PDZD8: variants seen among roughly 807,000 people sequenced by gnomAD.
The protein encoded by PDZD8 is PDZ domain containing 8.
A neutral mutation model predicts 85.8 loss-of-function variants in PDZD8; 14 were observed. The ratio of observed to expected loss-of-function variants is 0.16; its 90% CI spans 0.11 to 0.26. The LOEUF (loss-of-function observed/expected upper bound fraction) is 0.26. Ranked by LOEUF, PDZD8 falls within the 10% of genes least tolerant of loss-of-function variation. The probability of loss-of-function intolerance (pLI) is 1.00; values close to 1 mark genes in which losing one functional copy is unlikely to be tolerated. For synonymous variants in PDZD8, 592 were observed against 568.6 expected (o/e 1.04, Z -0.59); for missense variants, 1,197 against 1,424.3 (o/e 0.84, Z 2.57).
chr10:117,294,327 C>CAAAAAAAAAAAAAAAAAAAAAAAAAAAAA (rs71013656), intron 3 of PDZD8, among the ~76,000 whole-genome samples: 3 of 142,546 alleles, frequency 2.1e-5, no homozygotes, highest in South Asian at 2.2e-4. Context: ...ACCAAAAAGA[C>CAAAAAAAAAAAAAAAAAAAAAAAAAAAAA]AAAAAAAAAA....
intron 4 of PDZD8, 67 bp downstream of exon 4, chr10:117,290,119 A>G (rs1381700542): frequency 1.5e-6 from 2 of 1,375,364 alleles, no homozygotes; most frequent in Non-Finnish European, 1.9e-6. Flanking sequence ...GGAAGAAAGG[A>G]AAAACCTCAC....
chr10:117,344,935 C>A (rs1160663311), intron 1 of PDZD8, among the ~76,000 whole-genome samples: 1 of 152,090 alleles, frequency 6.6e-6, no homozygotes, highest in Non-Finnish European at 1.5e-5. Context: ...ACTGTCTTGC[C>A]CTGGCTCATG....
chr10:117,316,690 T>C (rs1234162547), intron 3 of PDZD8, among the ~76,000 whole-genome samples: 1 of 151,948 alleles, frequency 6.6e-6, no homozygotes, highest in Non-Finnish European at 1.5e-5. Flanking sequence ...ACCCTGTCTC[T>C]AAAAAAATAA....
rs1255192444 is a variant in PDZD8, at chr10:117,314,844, G to A, written c.1098+4028C>T. ...CAATATTGTTTGGATTTTCAACCTCGTGTCTCTAATTGCAAAGGGAAATAC... is the reference window on the plus strand; with the variant it reads ...CAATATTGTTTGGATTTTCAACCTCATGTCTCTAATTGCAAAGGGAAATAC... On this transcript the variant is annotated intron_variant, in intron 3 of 4. Coordinates refer to ENST00000334464, the MANE Select transcript of PDZD8 (RefSeq NM_173791.5). 5.9e-5 allele frequency among the ~76,000 whole-genome samples: 9 copies of A among 152,194 alleles called. No individual in the cohort carries two copies. In the South Asian group the frequency reaches 8.3e-4, roughly 14 times the overall value.
chr10:117,369,574 T>C (rs1845154303), intron 1 of PDZD8, among the ~76,000 whole-genome samples: 2 of 152,192 alleles, frequency 1.3e-5, no homozygotes, highest in South Asian at 4.1e-4. Flanking sequence ...GTCTTCTCAT[T>C]TTCACTAATC....
rs930477898 is a variant in PDZD8, at chr10:117,277,676, C to A, written c.*5592G>T. 1 of 152,656 alleles carries A rather than the reference C, an allele frequency of 6.6e-6. No individual in the cohort carries two copies. The highest frequency in any genetic ancestry group is 1.5e-5 in the Non-Finnish European group (1 of 68,478). The allele number at this position is 152,656 out of a possible 1,614,324, so 9.5% of individuals were successfully genotyped here. A position where few individuals can be genotyped will look rare whatever the true frequency, so the allele number is the denominator to read the frequency against. On this transcript the variant is annotated 3_prime_UTR_variant, in exon 5 of 5. Coordinates refer to ENST00000334464, the MANE Select transcript of PDZD8 (RefSeq NM_173791.5). ...CACATTATCTCTGAGACTCTTCCAA[C>A]AAAGAGAAACTAGAATGAAGTCTGA...
intron 3 of PDZD8, among the ~76,000 whole-genome samples, chr10:117,315,335 C>A (rs553103554): frequency 6.6e-6 from 1 of 152,076 alleles, no homozygotes; most frequent in South Asian, 2.1e-4. Context: ...TGGCTCATGC[C>A]CACAATTCAA....
intron 1 of PDZD8, among the ~76,000 whole-genome samples, chr10:117,363,060 GAAC>G (rs1845024828): frequency 1.3e-5 from 2 of 151,978 alleles, no homozygotes; most frequent in Non-Finnish European, 2.9e-5. Context: ...GTAATGGTGA[GAAC>G]AAAATAAGAT....
At chr10:117,335,887 C>T (rs1844508537) in intron 2 of PDZD8, among the ~76,000 whole-genome samples, 2 of 152,144 alleles carry the variant, frequency 1.3e-5, no homozygotes, top group African/African-American at 2.4e-5. Context: ...ATAAAAGTGC[C>T]GATGTTGTTG....
At chr10:117,361,014 T>A (rs1274883888) in intron 1 of PDZD8, among the ~76,000 whole-genome samples, 1 of 152,206 alleles carries the variant, frequency 6.6e-6, no homozygotes, top group Non-Finnish European at 1.5e-5. Flanking sequence ...TAAGAATATA[T>A]AAAGCTCACA....
chr10:117,280,287 C>T lies in PDZD8; in HGVS notation c.*2981G>A, dbSNP rs1844559400. The T allele has an allele frequency of 6.6e-6, 1 of 152,104 alleles. No homozygotes were observed. The highest frequency in any genetic ancestry group is 2.4e-5 in the African/African-American group (1 of 41,416). The allele number at this position is 152,104 out of a possible 1,614,324, so 9.4% of individuals were successfully genotyped here. A position where few individuals can be genotyped will look rare whatever the true frequency, so the allele number is the denominator to read the frequency against. On this transcript the variant is annotated 3_prime_UTR_variant, in exon 5 of 5. Transcript: ENST00000334464. ...ATATTTTAAAGTCTAATTACTAATA[C>T]ATAGCCAAAGGAAACCCATAAACTT...
In PDZD8 at chr10:117,280,990, T is replaced by C. The variant is rs1320400969; in HGVS notation, c.*2278A>G. On this transcript the variant is annotated 3_prime_UTR_variant, in exon 5 of 5. Transcript: ENST00000334464. Reference sequence around the variant, plus strand: ...ATAAAGTGGTTACACACTGAGCAGATTGCCTCAAGTGTAAGTTATGGAACA... The same window carrying C: ...ATAAAGTGGTTACACACTGAGCAGACTGCCTCAAGTGTAAGTTATGGAACA... 4 of 152,238 alleles carry C rather than the reference T, an allele frequency of 2.6e-5. No individual in the cohort carries two copies. The highest frequency in any genetic ancestry group is 9.6e-5 in the African/African-American group (4 of 41,466). The allele number at this position is 152,238 out of a possible 1,614,324, so 9.4% of individuals were successfully genotyped here.
chr10:117,296,832 T>G (rs1250104793), intron 3 of PDZD8, among the ~76,000 whole-genome samples: 2 of 152,030 alleles, frequency 1.3e-5, no homozygotes, highest in Non-Finnish European at 2.9e-5. Flanking sequence ...ACTATTAAAT[T>G]TATAGATGAA....
chr10:117,309,654 C>T (rs1311277803), intron 3 of PDZD8, among the ~76,000 whole-genome samples: 1 of 152,128 alleles, frequency 6.6e-6, no homozygotes. Context: ...TTCATTACCC[C>T]TCACCTCTAC....
At chr10:117,369,232 T>G (rs1845145395) in intron 1 of PDZD8, among the ~76,000 whole-genome samples, 1 of 152,038 alleles carries the variant, frequency 6.6e-6, no homozygotes, top group Admixed American at 6.6e-5. Context: ...GATCTCGGCT[T>G]GCAGCAATCT....
At chr10:117,328,408 T>A (rs181102144) in intron 2 of PDZD8, among the ~76,000 whole-genome samples, 5 of 91,002 alleles carry the variant, frequency 5.5e-5, no homozygotes, top group South Asian at 3.8e-4. Context: ...TCTCTCTTTT[T>A]TTATTATTAT....
chr10:117,284,316 A>G lies in PDZD8; in HGVS notation c.2417T>C (p.Val806Ala), dbSNP rs35664484. 2,324 of 1,613,946 alleles carry G rather than the reference A, an allele frequency of 1.4e-3. 28 individuals carry two copies. The African/African-American group carries it at 0.024, about 16-fold the overall frequency. ...LKEGESDHHV[V>A]TNVEKEKEPH... ...TTCTTTTTCTTTTTCTACGTTAGTA[A>G]CTACATGGTGGTCTGATTCTCCTTC... The change falls in exon 5 of 5, where the codon GTT becomes GCT. Residue 806 changes from valine (V) to alanine (A), a missense_variant. Transcript: ENST00000334464.
At chr10:117,365,526 G>T (rs1210326094) in intron 1 of PDZD8, among the ~76,000 whole-genome samples, 2 of 152,108 alleles carry the variant, frequency 1.3e-5, no homozygotes, top group Admixed American at 1.3e-4. Flanking sequence ...AATTTTTAAA[G>T]TGAGTTTGTC....
chr10:117,367,449 C>A (rs1313020503), intron 1 of PDZD8, among the ~76,000 whole-genome samples: 1 of 148,608 alleles, frequency 6.7e-6, no homozygotes, highest in Non-Finnish European at 1.5e-5. Flanking sequence ...TTATAGCCTC[C>A]TCAAAATGAC....
Sources: allele counts gnomAD v4.1 joint callset (sites outside exome capture counted in the v4.1 genomes callset), GRCh38; gene constraint gnomAD v4.1.1; transcripts MANE v1.5; gene names NCBI Gene and HGNC (gene_info 2026-07-23, HGNC 2026-07-21).